The following FBXO21 variants were observed in gnomAD, a reference collection of about 807,000 sequenced individuals.
FBXO21 encodes F-box protein 21.
A neutral mutation model predicts 76.6 loss-of-function variants in FBXO21; 32 were observed. The observed-to-expected ratio is 0.42, with a 90% confidence interval of 0.32 to 0.56. The LOEUF (loss-of-function observed/expected upper bound fraction) is 0.56. Among genes scored for constraint, FBXO21 ranks in the 20% least tolerant of loss-of-function variants. The probability of loss-of-function intolerance (pLI) is 0.16; values close to 1 mark genes in which losing one functional copy is unlikely to be tolerated. For missense variants in FBXO21, 586 were observed against 797.3 expected (o/e 0.73, Z 3.19); for synonymous variants, 328 against 311.5 (o/e 1.05, Z -0.56).
rs760154073 is a variant in FBXO21 at position 117,161,698 on chromosome 12, G to A, written c.1327-3635C>T. Among the ~76,000 whole-genome samples the A allele has an allele frequency of 9.9e-5, 15 of 152,270 alleles. No individual in the cohort carries two copies. The South Asian group carries it at 2.5e-3, about 25-fold the overall frequency. On this transcript the variant is annotated intron_variant, in intron 9 of 11. Coordinates refer to ENST00000622495, the MANE Select transcript of FBXO21 (RefSeq NM_015002.3). ...CTGGTCTGAGCCCAGGGTCCAGGCA[G>A]GGGTCCAGTGCTCCAGCAGCCACAG...
chr12:117,180,370 G>A (rs556309280), intron 3 of FBXO21, among the ~76,000 whole-genome samples: 1 of 152,328 alleles, frequency 6.6e-6, no homozygotes, highest in African/African-American at 2.4e-5. Context: ...ATATGCACAT[G>A]CACTTACATA....
chr12:117,155,764 C>T (rs1442017787), intron 11 of FBXO21, 27 bp downstream of exon 11: 39 of 1,601,582 alleles, frequency 2.4e-5, no homozygotes, highest in Non-Finnish European at 3.3e-5. Flanking sequence ...CGCGGGGCCA[C>T]TGGCACAAGC....
In FBXO21 at chr12:117,152,812, A is replaced by G. The variant is rs79984248; in HGVS notation, c.1675+2979T>C. Among the ~76,000 whole-genome samples the G allele has an allele frequency of 2.5e-3, 377 of 152,352 alleles. 1 individual carries two copies. The highest frequency in any genetic ancestry group is 4.0e-3 in the Non-Finnish European group (275 of 68,034). Reference sequence around the variant, plus strand: ...TCTGCAATATTCTTTCAAATGGTGCAGGAAAACAGTAAAATCTCTATAGAT... The same window carrying G: ...TCTGCAATATTCTTTCAAATGGTGCGGGAAAACAGTAAAATCTCTATAGAT... On this transcript the variant is annotated intron_variant, in intron 11 of 11. Coordinates refer to ENST00000622495, the MANE Select transcript of FBXO21 (RefSeq NM_015002.3).
intron 7 of FBXO21, among the ~76,000 whole-genome samples, chr12:117,167,595 G>C (rs1421144799): frequency 7.0e-6 from 1 of 142,624 alleles, no homozygotes; most frequent in African/African-American, 2.5e-5. Context: ...AAAAAAATTG[G>C]CCAGGTGTGG....
At chr12:117,150,982 GT>G (rs2135846597) in intron 11 of FBXO21, among the ~76,000 whole-genome samples, 1 of 151,118 alleles carries the variant, frequency 6.6e-6, no homozygotes, top group South Asian at 2.1e-4. Context: ...GTGTGTGTGT[GT>G]GTGTGTGTGT....
At chr12:117,171,525 G>A (rs938090197) in intron 7 of FBXO21, among the ~76,000 whole-genome samples, 1 of 151,958 alleles carries the variant, frequency 6.6e-6, no homozygotes, top group African/African-American at 2.4e-5. Flanking sequence ...GTACTTTTTT[G>A]CTATGTCACA....
intron 7 of FBXO21, among the ~76,000 whole-genome samples, chr12:117,167,565 C>T (rs927079822): frequency 7.4e-5 from 11 of 148,464 alleles, no homozygotes; most frequent in African/African-American, 2.4e-4. Flanking sequence ...CTGGCTAACA[C>T]GGTGAAACCC....
At chr12:117,181,599 GTCTATCTATCTA>G (rs1555242788) in intron 3 of FBXO21, among the ~76,000 whole-genome samples, 39 of 145,662 alleles carry the variant, frequency 2.7e-4, no homozygotes, top group Middle Eastern at 3.5e-3. Flanking sequence ...ATCTGAGACA[GTCTATCTATCTA>G]TCTATCTATC....
At position 117,142,106 on chromosome 12, in the gene FBXO21, CCTTTA is replaced by C. The variant is rs1955723433; in HGVS notation, c.*3976_*3980del. The C allele has an allele frequency of 6.9e-6, 1 of 145,202 alleles. No homozygotes were observed. The highest frequency in any genetic ancestry group is 7.6e-5 in the Admixed American group (1 of 13,158). The allele number at this position is 145,202 out of a possible 1,614,324, so 9.0% of individuals were successfully genotyped here. A position where few individuals can be genotyped will look rare whatever the true frequency, so the allele number is the denominator to read the frequency against. ...CTAATTTTATTCACCGGAGGGACGT[CCTTTA>C]CTTTCAAGATTCTAAATTTTTCAGA... On this transcript the variant is annotated 3_prime_UTR_variant, in exon 12 of 12. Transcript: ENST00000622495.
At chr12:117,168,527 A>C (rs1956083935) in intron 7 of FBXO21, among the ~76,000 whole-genome samples, 2 of 152,086 alleles carry the variant, frequency 1.3e-5, no homozygotes, top group African/African-American at 4.8e-5. Flanking sequence ...CCATCTCAAA[A>C]AAATAAAAAA....
intron 11 of FBXO21, among the ~76,000 whole-genome samples, chr12:117,152,646 C>T (rs1955858200): frequency 6.6e-6 from 1 of 151,816 alleles, no homozygotes; most frequent in Non-Finnish European, 1.5e-5. Context: ...AGAAACAAGC[C>T]AAAAATAGGC....
At chr12:117,164,689 T>C (rs557234828) in intron 9 of FBXO21, among the ~76,000 whole-genome samples, 6 of 152,360 alleles carry the variant, frequency 3.9e-5, no homozygotes, top group African/African-American at 1.2e-4. Context: ...TTAAGCAATG[T>C]AGAGTCACTT....
At chr12:117,177,468 A>C (rs1056659144) in intron 4 of FBXO21, 52 bp downstream of exon 4, 2 of 1,545,580 alleles carry the variant, frequency 1.3e-6, no homozygotes, top group Non-Finnish European at 1.8e-6. Context: ...TTAAAAAACT[A>C]ATCAGTTACC....
intron 3 of FBXO21, among the ~76,000 whole-genome samples, chr12:117,185,510 G>C (rs2135887526): frequency 1.3e-5 from 2 of 152,316 alleles, no homozygotes; most frequent in South Asian, 4.1e-4. Context: ...GGAAAGTTAG[G>C]CTGGAAGCCC....
Position 117,157,971 on chromosome 12 carries a change from C to A in FBXO21, c.1419G>T (p.Glu473Asp), listed in dbSNP as rs780472074. 2.8e-5 allele frequency: 45 copies of A among 1,614,210 alleles called. No homozygotes were observed. Among genetic ancestry groups the A allele is most frequent in the African/African-American group, 4.0e-5 (3 of 75,056 alleles). Residue 473 changes from glutamate to aspartate, a missense_variant, in exon 10 of 12, where the codon GAG becomes GAT. Glu to Asp is a conservative substitution (Grantham distance 45). This residue lies in a region of FBXO21 where 164 missense variants were observed against 236.7 expected (regional missense o/e 0.69). Transcript: ENST00000622495. ...YLVQHTLEHI[E>D]RKKEEVGVEV... ...CTACGCCCACCTCCTCCTTTTTGCG[C>A]TCAATGTGCTCTAGAGTGTGCTGCA...
In FBXO21 at chr12:117,144,835, C is replaced by G. The variant is rs2135837853; in HGVS notation, c.*1252G>C. On this transcript the variant is annotated 3_prime_UTR_variant, in exon 12 of 12. Coordinates refer to ENST00000622495, the MANE Select transcript of FBXO21 (RefSeq NM_015002.3). ...CGGAAAGGAGCCAGTGCCGTCCGAACACACGGTCAGGCTTTCCCAGAAGAC... is the reference window on the plus strand; with the variant it reads ...CGGAAAGGAGCCAGTGCCGTCCGAAGACACGGTCAGGCTTTCCCAGAAGAC... 1 of 152,292 alleles carries G rather than the reference C, an allele frequency of 6.6e-6. No homozygotes were observed. Among genetic ancestry groups the G allele is most frequent in the South Asian group, 2.1e-4 (1 of 4,824 alleles). The allele number at this position is 152,292 out of a possible 1,614,324, so 9.4% of individuals were successfully genotyped here. A position where few individuals can be genotyped will look rare whatever the true frequency, so the allele number is the denominator to read the frequency against.
chr12:117,177,954 AC>A (rs1956191093), intron 3 of FBXO21, among the ~76,000 whole-genome samples: 1 of 152,092 alleles, frequency 6.6e-6, no homozygotes, highest in African/African-American at 2.4e-5. Flanking sequence ...GGCATCTAGA[AC>A]CTTTTGCTGG....
At chr12:117,160,994 T>C (rs1955970102) in intron 9 of FBXO21, among the ~76,000 whole-genome samples, 1 of 152,010 alleles carries the variant, frequency 6.6e-6, no homozygotes. Flanking sequence ...CCAGGAATTG[T>C]GTTGAGAGCG....
chr12:117,189,481 C>G (rs563444252), intron 1 of FBXO21, 119 bp from the exon 2 acceptor site: 2 of 1,022,480 alleles, frequency 2.0e-6, no homozygotes, highest in East Asian at 2.4e-5. Context: ...GGGACCCCGG[C>G]GAGAGACCTA....
Sources: allele counts gnomAD v4.1 joint callset (sites outside exome capture counted in the v4.1 genomes callset), GRCh38; gene constraint gnomAD v4.1.1; regional missense constraint gnomAD v4.1.1; transcripts MANE v1.5; gene names NCBI Gene and HGNC (gene_info 2026-07-23, HGNC 2026-07-21).